The following ZNF675 variants were observed in gnomAD, a reference collection of about 807,000 sequenced individuals.
ZNF675 encodes the protein zinc finger protein 675.
Under a neutral mutation model 56.1 loss-of-function variants are expected in ZNF675, and 36 were observed. The ratio of observed to expected loss-of-function variants is 0.64; its 90% CI spans 0.49 to 0.85. The LOEUF (loss-of-function observed/expected upper bound fraction) is 0.85, where lower values mean the gene tolerates loss of function less well. ZNF675 is among the 40% of genes least tolerant of loss of function. The pLI, the probability that ZNF675 is intolerant of heterozygous loss-of-function variation, is 0.00. For synonymous variants in ZNF675, 200 were observed against 218.9 expected, an observed-to-expected ratio of 0.91 and a Z score of 0.76; for missense variants, 663 against 654.2, an observed-to-expected ratio of 1.01 and a Z score of -0.15.
chr19:23,662,055 T>G, intron 3 of ZNF675, 59 bp downstream of exon 3: 1 of 1,268,614 alleles, frequency 7.9e-7, no homozygotes, highest in Non-Finnish European at 1.1e-6. Flanking sequence ...TGGCTTTCTC[T>G]TTGACCTTTG....
intron 1 of ZNF675, among the ~76,000 whole-genome samples, chr19:23,667,118 T>A (rs562027486): frequency 6.6e-6 from 1 of 152,132 alleles, no homozygotes; most frequent in Admixed American, 6.6e-5. Context: ...GGGTTCGTGG[T>A]CTCGCTGGCT....
intron 1 of ZNF675, among the ~76,000 whole-genome samples, chr19:23,679,228 A>G (rs1314788819): frequency 3.3e-5 from 5 of 151,572 alleles, no homozygotes; most frequent in Non-Finnish European, 1.5e-5. Context: ...CTTATTAAAA[A>G]TAATGCCACA....
chr19:23,667,952 G>T (rs7257569), intron 1 of ZNF675, among the ~76,000 whole-genome samples: 13 of 141,878 alleles, frequency 9.2e-5, no homozygotes, highest in Middle Eastern at 4.0e-3. Context: ...TAGACATAAA[G>T]GTTCTCCAAG....
At position 23,653,530 on chromosome 19, in the gene ZNF675, G is replaced by GT; in HGVS notation, c.1402dup (p.Thr468AsnfsTer2). ...TCCAGAATGAATTTTCTTATGTTCAGTAAGTTTTGAGGATTGGATAAAAGC... is the reference window on the plus strand; with the variant it reads ...TCCAGAATGAATTTTCTTATGTTCAGTTAAGTTTTGAGGATTGGATAAAAGC... On this transcript the variant is annotated frameshift_variant, in exon 4 of 4. Transcript: ENST00000359788. LOFTEE classifies it high-confidence loss of function. The GT allele has an allele frequency of 6.2e-7, 1 of 1,613,276 alleles. No homozygotes were observed. Among genetic ancestry groups the GT allele is most frequent in the Non-Finnish European group, 8.5e-7 (1 of 1,179,792 alleles).
Position 23,653,360 on chromosome 19 carries a change from C to T in ZNF675, c.1573G>A (p.Glu525Lys). The T allele has an allele frequency of 6.2e-7, 1 of 1,613,488 alleles. No individual in the cohort carries two copies. The highest frequency in any genetic ancestry group is 2.2e-5 in the East Asian group (1 of 44,836). ...KAFSRSSKLT[E>K]HKIIHTGEKP... is the part of the protein sequence containing the mutation. ...TCTCCAGTATGAATTATCTTATGTT[C>T]AGTAAGTTTTGAGGATCGGCTAAAA... The change falls in exon 4 of 4, where the codon GAA (glutamate) becomes AAA (lysine). Residue 525 changes from glutamate (E) to lysine (K), a missense_variant. Around this residue, in one of 3 missense-constraint regions of ZNF675, gnomAD observed 617 missense variants for 590.5 expected, o/e 1.04. Coordinates refer to ENST00000359788, the MANE Select transcript of ZNF675 (RefSeq NM_138330.3).
intron 1 of ZNF675, among the ~76,000 whole-genome samples, chr19:23,682,082 T>G (rs981696626): frequency 7.9e-5 from 12 of 151,776 alleles, no homozygotes; most frequent in African/African-American, 2.9e-4. Flanking sequence ...TTCCTTTTCT[T>G]AAAAAAATCA....
At chr19:23,674,249 C>T (rs899313314) in intron 1 of ZNF675, among the ~76,000 whole-genome samples, 6 of 151,704 alleles carry the variant, frequency 4.0e-5, no homozygotes, top group African/African-American at 1.5e-4. Flanking sequence ...AATCCTGAGT[C>T]ACAAAGAATG....
chr19:23,674,593 G>A (rs765129400), intron 1 of ZNF675, among the ~76,000 whole-genome samples: 3 of 148,048 alleles, frequency 2.0e-5, no homozygotes, highest in African/African-American at 7.6e-5. Flanking sequence ...CAGTGAGCCT[G>A]GTCGACAGAA....
At position 23,653,882 on chromosome 19, in the gene ZNF675, G is replaced by C. The variant is rs774789583; in HGVS notation, c.1051C>G (p.Arg351Gly). 2 of 1,613,578 alleles carry C rather than the reference G, an allele frequency of 1.2e-6. No individual in the cohort carries two copies. The highest frequency in any genetic ancestry group is 1.7e-6 in the Non-Finnish European group (2 of 1,179,850). Reference protein sequence around the residue: ...KCEECGKAFNRSSKLTEHKNI... With the variant: ...KCEECGKAFNGSSKLTEHKNI... ...TTATGTTCAGTAAGTTTTGAGGATC[G>C]GTTAAAAGCTTTTCCACATTCTTCA... is the stretch of plus-strand genomic sequence containing the variant. The change falls in exon 4 of 4, where the codon CGA becomes GGA. Residue 351 changes from arginine (R) to glycine (G), a missense_variant. This residue lies in a region of ZNF675 where 617 missense variants were observed against 590.5 expected (regional missense o/e 1.04). Transcript: ENST00000359788.
chr19:23,663,283 A>G (rs1208703570), intron 1 of ZNF675, 125 bp from the exon 2 acceptor site: 1 of 1,198,576 alleles, frequency 8.3e-7, no homozygotes, highest in Non-Finnish European at 1.2e-6. Flanking sequence ...AAATTATCCA[A>G]TAAAATCATA....
At chr19:23,662,277 C>T in intron 2 of ZNF675, 68 bp from the exon 3 acceptor site, 9 of 1,130,140 alleles carry the variant, frequency 8.0e-6, no homozygotes, top group Non-Finnish European at 1.0e-5. Context: ...TAGTAATGTG[C>T]TCAGTAAAGA....
chr19:23,654,316 T>C lies in ZNF675; in HGVS notation c.617A>G (p.Glu206Gly). Residue 206 changes from glutamate (E) to glycine (G), a missense_variant, in exon 4 of 4, where the codon GAA becomes GGA. By Grantham distance (98) the Glu-to-Gly change is moderately conservative. Transcript: ENST00000359788. ...KVNFCKCEEC[E>G]KAVNQSSKLT... ...CTTTGAAGATTGGTTAACAGCTTTT[T>C]CACATTCTTCACATTTGCAGAAATT... 6.2e-7 allele frequency: 1 copy of C among 1,610,314 alleles called. No individual in the cohort carries two copies. The highest frequency in any genetic ancestry group is 2.2e-5 in the East Asian group (1 of 44,830).
At chr19:23,667,848 C>T (rs1314014801) in intron 1 of ZNF675, among the ~76,000 whole-genome samples, 7 of 150,792 alleles carry the variant, frequency 4.6e-5, no homozygotes, top group African/African-American at 1.5e-4. Context: ...GGTGCACTCA[C>T]AAACCCTGAG....
intron 1 of ZNF675, among the ~76,000 whole-genome samples, chr19:23,683,993 G>A (rs528693047): frequency 7.9e-4 from 121 of 152,216 alleles, no homozygotes; most frequent in African/African-American, 2.7e-3. Context: ...TGGGCGTGGT[G>A]GCTCACGCCT....
At chr19:23,682,594 G>C (rs1968391052) in intron 1 of ZNF675, among the ~76,000 whole-genome samples, 1 of 151,720 alleles carries the variant, frequency 6.6e-6, no homozygotes, top group Non-Finnish European at 1.5e-5. Context: ...CATGGCTGGG[G>C]TGAGCAGGCT....
At position 23,658,908 on chromosome 19, in the gene ZNF675, G is replaced by GATATAGATATAGATCTATAGATATCT. The variant is rs1238598265; in HGVS notation, c.226+3205_226+3206insAGATATCTATAGATCTATATCTATAT. Among the ~76,000 whole-genome samples, 8 of 25,224 alleles carry GATATAGATATAGATCTATAGATATCT rather than the reference G, an allele frequency of 3.2e-4. No homozygotes were observed. In the East Asian group the frequency reaches 3.5e-3, roughly 11 times the overall value. The allele number at this position is 25,224 out of a possible 152,430, so 16.5% of individuals were successfully genotyped here. On this transcript the variant is annotated intron_variant, in intron 3 of 3. Transcript: ENST00000359788. ...AGATATAGATCTATAGATATCTATAGATAGATATAGATCTATAGATACCGA... is the reference window on the plus strand; with the variant it reads ...AGATATAGATCTATAGATATCTATAGATATAGATATAGATCTATAGATATCTATAGATATAGATCTATAGATACCGA...
At chr19:23,673,885 GA>G (rs1249207315) in intron 1 of ZNF675, among the ~76,000 whole-genome samples, 3 of 150,810 alleles carry the variant, frequency 2.0e-5, no homozygotes, top group Non-Finnish European at 4.4e-5. Context: ...CGGCCCCAGA[GA>G]AACTCCACAA....
chr19:23,660,977 T>G (rs896434900), intron 3 of ZNF675, among the ~76,000 whole-genome samples: 1 of 150,912 alleles, frequency 6.6e-6, no homozygotes, highest in Non-Finnish European at 1.5e-5. Flanking sequence ...ATAGCCAGGC[T>G]GGAGTGCAGT....
intron 1 of ZNF675, among the ~76,000 whole-genome samples, chr19:23,664,817 G>T (rs534038904): frequency 9.4e-4 from 143 of 152,174 alleles, no homozygotes; most frequent in African/African-American, 3.4e-3. Flanking sequence ...CAGGCATAAT[G>T]GTACGTGCCT....
Sources: gnomAD v4.1 joint callset for allele counts (sites outside exome capture counted in the v4.1 genomes callset) on GRCh38, gnomAD v4.1.1 for gene constraint, gnomAD v4.1.1 regional missense constraint, MANE v1.5 for transcripts, NCBI Gene and HGNC (gene_info 2026-07-23, HGNC 2026-07-21) for gene names.